The following GSE1 variants were observed in gnomAD, a reference collection of about 807,000 sequenced individuals.
GSE1 encodes genetic suppressor element 1.
Under a neutral mutation model 112.6 loss-of-function variants are expected in GSE1, and 32 were observed. That is an observed-to-expected ratio of 0.28 (90% CI 0.21 to 0.38). The LOEUF (loss-of-function observed/expected upper bound fraction) is 0.38. Among genes scored for constraint, GSE1 ranks in the 10% least tolerant of loss-of-function variants. The pLI is 1.00. For synonymous variants in GSE1, 1,115 were observed against 735.6 expected (o/e 1.52, Z -8.35); for missense variants, 2,348 against 1,699.2 (o/e 1.38, Z -6.71).
intron 2 of GSE1, among the ~76,000 whole-genome samples, chr16:85,505,881 C>G (rs1385164712): frequency 2.0e-5 from 3 of 151,830 alleles, no homozygotes; most frequent in Admixed American, 1.3e-4. Flanking sequence ...GTGCAAGCCA[C>G]TTGGGAGGAT....
intron 1 of GSE1, among the ~76,000 whole-genome samples, chr16:85,265,662 G>A (rs1459245289): frequency 6.6e-6 from 1 of 152,148 alleles, no homozygotes; most frequent in African/African-American, 2.4e-5. Context: ...CTGGGAGCAG[G>A]CACTGAAAGA....
At chr16:85,204,582 C>T (rs2075083306) in intron 1 of GSE1, among the ~76,000 whole-genome samples, 1 of 152,240 alleles carries the variant, frequency 6.6e-6, no homozygotes. Flanking sequence ...ACCAGCACTT[C>T]TTGTTATTTG....
At chr16:85,251,511 G>A (rs1729553433) in intron 1 of GSE1, among the ~76,000 whole-genome samples, 1 of 152,248 alleles carries the variant, frequency 6.6e-6, no homozygotes, top group Non-Finnish European at 1.5e-5. Context: ...GGTGCGGCCA[G>A]GCCGGGGCTC....
chr16:85,496,207 T>C (rs2051171804), intron 2 of GSE1, among the ~76,000 whole-genome samples: 1 of 152,146 alleles, frequency 6.6e-6, no homozygotes, highest in African/African-American at 2.4e-5. Context: ...TTGCAGCCAA[T>C]GGCAATTCCC....
intron 1 of GSE1, among the ~76,000 whole-genome samples, chr16:85,197,920 C>G (rs908050896): frequency 6.6e-6 from 1 of 152,186 alleles, no homozygotes; most frequent in East Asian, 1.9e-4. Flanking sequence ...GGTGTGTTTT[C>G]TTTCCATCTT....
chr16:85,275,772 C>T (rs954855081), intron 1 of GSE1, among the ~76,000 whole-genome samples: 1 of 152,170 alleles, frequency 6.6e-6, no homozygotes, highest in South Asian at 2.1e-4. Flanking sequence ...TGAACCGGGG[C>T]GCTGAGCCCC....
In GSE1 at chr16:85,383,539, CTCTCTCTCTCTCTCT is replaced by C. The variant is rs2047612581; in HGVS notation, c.2464+25897_2464+25911del. 3.9e-5 allele frequency among the ~76,000 whole-genome samples: 3 copies of C among 76,040 alleles called. No homozygotes were observed. The East Asian group carries it at 8.1e-4, about 20-fold the overall frequency. 49.9% of individuals were successfully genotyped at this position (76,040 alleles called of 152,430 possible). On this transcript the variant is annotated intron_variant, in intron 2 of 2. Transcript: ENST00000637419. ...CACGCACACCTGCGTCTCTCTCTCT[CTCTCTCTCTCTCTCT>C]CTCTCTCTCTCTCTCTCTCTGACAC...
chr16:85,363,700 GT>G (rs1432819020), intron 2 of GSE1, among the ~76,000 whole-genome samples: 1 of 152,104 alleles, frequency 6.6e-6, no homozygotes, highest in Non-Finnish European at 1.5e-5. Context: ...CAGTTTACCC[GT>G]GGGTACTGTC....
intron 1 of GSE1, among the ~76,000 whole-genome samples, chr16:85,313,524 C>A (rs114438507): frequency 2.1e-4 from 32 of 152,096 alleles, no homozygotes; most frequent in Admixed American, 2.1e-3. Flanking sequence ...ATTACCACCC[C>A]CCACCCCCCT....
chr16:85,252,964 A>C (rs962034100), intron 1 of GSE1, among the ~76,000 whole-genome samples: 6 of 151,154 alleles, frequency 4.0e-5, no homozygotes, highest in Non-Finnish European at 5.9e-5. Flanking sequence ...GGGAAGTGGA[A>C]GCTGGGTGGG....
chr16:85,669,712 T>A (rs1280927756), intron 14 of GSE1, among the ~76,000 whole-genome samples: 1 of 152,222 alleles, frequency 6.6e-6, no homozygotes, highest in African/African-American at 2.4e-5. Flanking sequence ...AGGCTATTCT[T>A]CTGTATTTTC....
chr16:85,624,825 G>A lies in GSE1; in HGVS notation c.8-9089G>A, dbSNP rs998102404. Among the ~76,000 whole-genome samples the A allele has an allele frequency of 6.6e-5, 10 of 152,332 alleles. No homozygotes were observed. The East Asian group carries it at 1.4e-3, about 21-fold the overall frequency. On this transcript the variant is annotated intron_variant, in intron 1 of 15. Transcript: ENST00000253458. ...AATGTGACAAGGGACCCCAGGTACC[G>A]CCAAGGGCACAGGGTGGCGGAGGGG...
chr16:85,178,160 T>C (rs2074506346), intron 1 of GSE1, among the ~76,000 whole-genome samples: 1 of 152,166 alleles, frequency 6.6e-6, no homozygotes, highest in South Asian at 2.1e-4. Context: ...AAGGGTCTGC[T>C]GAGAGCCTAT....
chr16:85,276,580 G>C (rs1191499854), intron 1 of GSE1, among the ~76,000 whole-genome samples: 15 of 152,224 alleles, frequency 9.9e-5, no homozygotes, highest in South Asian at 8.3e-4. Flanking sequence ...ATCCAGAAAG[G>C]GCCCGGGTTC....
intron 1 of GSE1, among the ~76,000 whole-genome samples, chr16:85,355,492 G>A (rs1019755745): frequency 1.3e-5 from 2 of 152,190 alleles, no homozygotes; most frequent in African/African-American, 4.8e-5. Flanking sequence ...AAAGGGGATG[G>A]GCCAACAACA....
intron 2 of GSE1, among the ~76,000 whole-genome samples, chr16:85,374,090 T>C (rs2047360913): frequency 6.6e-6 from 1 of 151,974 alleles, no homozygotes; most frequent in Admixed American, 6.5e-5. Flanking sequence ...CTGTATGTGT[T>C]GGTGTGTGCA....
chr16:85,170,270 A>G, exon 1 of GSE1: 1 of 985,676 alleles, frequency 1.0e-6, no homozygotes, highest in Non-Finnish European at 1.2e-6. Flanking sequence ...GGGGAGCCCA[A>G]GTCCGGGGTT....
At chr16:85,479,259 C>G (rs4783221) in intron 2 of GSE1, among the ~76,000 whole-genome samples, 2 of 137,266 alleles carry the variant, frequency 1.5e-5, no homozygotes, top group African/African-American at 5.6e-5. Flanking sequence ...GTCTTGATCT[C>G]CTGACCCCGT....
At position 85,373,642 on chromosome 16, in the gene GSE1, C is replaced by T. The variant is rs945240706; in HGVS notation, c.2464+15999C>T. On this transcript the variant is annotated intron_variant, in intron 2 of 2. Transcript: ENST00000637419. This position sits in a 1 kb window ranked among gnomAD's most constrained non-coding sequence, Gnocchi z 5.1. ...TCTGGGAGGGCCACAGGTATGCTGG[C>T]CACGGCCTGGAAGAGTCCGCTCAGA... Among the ~76,000 whole-genome samples, 1 of 152,126 alleles carries T rather than the reference C, an allele frequency of 6.6e-6. No homozygotes were observed. Among genetic ancestry groups the T allele is most frequent in the East Asian group, 1.9e-4 (1 of 5,190 alleles).
Sources: allele counts gnomAD v4.1 joint callset (sites outside exome capture counted in the v4.1 genomes callset), GRCh38; gene constraint gnomAD v4.1.1; non-coding constraint Gnocchi (gnomAD v3.1); transcripts MANE v1.5; gene names NCBI Gene and HGNC (gene_info 2026-07-23, HGNC 2026-07-21).